SH3RF3: variants seen among roughly 807,000 people sequenced by gnomAD.
The protein encoded by SH3RF3 is SH3 domain containing ring finger 3.
A neutral mutation model predicts 66.3 loss-of-function variants in SH3RF3; 29 were observed. That is an observed-to-expected ratio of 0.44 (90% CI 0.33 to 0.60). SH3RF3 has a LOEUF of 0.60. Ranked by LOEUF, SH3RF3 falls within the 20% of genes least tolerant of loss-of-function variation. The pLI is 0.04. For missense variants in SH3RF3, 1,194 were observed against 1,190.9 expected, an observed-to-expected ratio of 1.00 and a Z score of -0.04; for synonymous variants, 583 against 532.0, an observed-to-expected ratio of 1.10 and a Z score of -1.32.
chr2:109,135,748 G>A (rs78767994), intron 1 of SH3RF3, among the ~76,000 whole-genome samples: 5,514 of 152,234 alleles, frequency 0.036, 291 homozygotes, highest in African/African-American at 0.12. Context: ...AAACTGGATC[G>A]TCAAGCATTA....
chr2:109,326,552 A>T (rs1323945195), intron 1 of SH3RF3, among the ~76,000 whole-genome samples: 1 of 152,114 alleles, frequency 6.6e-6, no homozygotes, highest in Non-Finnish European at 1.5e-5. Flanking sequence ...TGGGTGTGAA[A>T]TGGCATCTCA....
intron 1 of SH3RF3, among the ~76,000 whole-genome samples, chr2:109,277,348 G>A (rs768448261): frequency 6.6e-6 from 1 of 152,170 alleles, no homozygotes; most frequent in Non-Finnish European, 1.5e-5. Flanking sequence ...TATTTTCTCA[G>A]TGTCATTTCA....
intron 1 of SH3RF3, among the ~76,000 whole-genome samples, chr2:109,249,633 C>G (rs1574528889): frequency 1.4e-5 from 2 of 146,094 alleles, no homozygotes; most frequent in Middle Eastern, 3.5e-3. Flanking sequence ...TTCTCTCTCT[C>G]TTTCTCTGTT....
intron 6 of SH3RF3, among the ~76,000 whole-genome samples, chr2:109,434,028 T>C (rs550088073): frequency 1.8e-4 from 27 of 152,346 alleles, no homozygotes; most frequent in Admixed American, 6.5e-4. Context: ...GGATTTCCCA[T>C]GCCAGTAGGA....
rs147687424 is a variant in SH3RF3 at position 109,495,208 on chromosome 2, C to T, written c.2480+4272C>T. Among the ~76,000 whole-genome samples the T allele has an allele frequency of 5.3e-5, 8 of 152,302 alleles. No homozygotes were observed. In the East Asian group the frequency reaches 9.7e-4, roughly 18 times the overall value. Reference sequence around the variant, plus strand: ...GAAGTTGCTTGTGGAACTCAGAATACGGGTGTGGTCATGGGAAATGCAGGC... The same window carrying T: ...GAAGTTGCTTGTGGAACTCAGAATATGGGTGTGGTCATGGGAAATGCAGGC... On this transcript the variant is annotated intron_variant, in intron 9 of 9. Coordinates refer to ENST00000309415, the MANE Select transcript of SH3RF3 (RefSeq NM_001099289.3).
intron 1 of SH3RF3, among the ~76,000 whole-genome samples, chr2:109,262,829 CTTTT>C (rs1192314257): frequency 6.6e-6 from 1 of 151,936 alleles, no homozygotes; most frequent in African/African-American, 2.4e-5. Flanking sequence ...ACAAGACTTT[CTTTT>C]TTCTTTTTTA....
At chr2:109,282,461 T>C (rs2105345583) in intron 1 of SH3RF3, among the ~76,000 whole-genome samples, 1 of 152,264 alleles carries the variant, frequency 6.6e-6, no homozygotes, top group South Asian at 2.1e-4. Flanking sequence ...TGCCAGGTCA[T>C]GAGCACTGCA....
intron 1 of SH3RF3, among the ~76,000 whole-genome samples, chr2:109,340,069 T>A (rs1682525337): frequency 1.3e-5 from 2 of 152,144 alleles, no homozygotes; most frequent in South Asian, 2.1e-4. Flanking sequence ...CTGTGAGCAG[T>A]AATCGGGTTA....
chr2:109,211,135 T>C (rs1385246391), intron 1 of SH3RF3, among the ~76,000 whole-genome samples: 2 of 152,174 alleles, frequency 1.3e-5, no homozygotes, highest in African/African-American at 4.8e-5. Context: ...AAAACGTTAC[T>C]TGCAGAATTA....
intron 8 of SH3RF3, among the ~76,000 whole-genome samples, chr2:109,477,517 G>A (rs1678715026): frequency 6.6e-6 from 1 of 152,234 alleles, no homozygotes; most frequent in Non-Finnish European, 1.5e-5. Flanking sequence ...GTGAGACCAG[G>A]AGAGCCTCTC....
intron 1 of SH3RF3, among the ~76,000 whole-genome samples, chr2:109,279,342 A>G (rs1193946469): frequency 6.6e-6 from 1 of 152,226 alleles, no homozygotes; most frequent in Admixed American, 6.5e-5. Context: ...AGGTTCAAGC[A>G]CACTGACAAT....
rs116121143 is a variant in SH3RF3, at chr2:109,189,975, C to G, written c.573+59862C>G. ...TGTGTGGAATGTTCCCCTGGTGTTT[C>G]TCTAACAGATCTGCTCGTGGTTTAT... On this transcript the variant is annotated intron_variant, in intron 1 of 9. Coordinates refer to ENST00000309415, the MANE Select transcript of SH3RF3 (RefSeq NM_001099289.3). Among the ~76,000 whole-genome samples, 485 of 152,304 alleles carry G rather than the reference C, an allele frequency of 3.2e-3. 3 individuals carry two copies. The highest frequency in any genetic ancestry group is 0.011 in the African/African-American group (473 of 41,574).
chr2:109,257,067 G>C (rs561807425), intron 1 of SH3RF3, among the ~76,000 whole-genome samples: 27 of 152,250 alleles, frequency 1.8e-4, no homozygotes, highest in Middle Eastern at 3.4e-3. Context: ...GTCATGTAGG[G>C]GCACCGTGTA....
intron 1 of SH3RF3, among the ~76,000 whole-genome samples, chr2:109,256,499 A>G (rs1680226425): frequency 6.6e-6 from 1 of 152,172 alleles, no homozygotes; most frequent in Non-Finnish European, 1.5e-5. Context: ...GATCAGTCAC[A>G]AACACTTACC....
chr2:109,356,870 C>G (rs775262755), intron 2 of SH3RF3, among the ~76,000 whole-genome samples: 1 of 152,120 alleles, frequency 6.6e-6, no homozygotes, highest in Admixed American at 6.5e-5. Context: ...TCACGGCCCC[C>G]ACAGCGCTCT....
chr2:109,349,846 G>C (rs1205693336), intron 2 of SH3RF3, among the ~76,000 whole-genome samples: 3 of 152,250 alleles, frequency 2.0e-5, no homozygotes, highest in African/African-American at 7.2e-5. Flanking sequence ...CTCTGCCCAG[G>C]ATGTGCAACC....
intron 2 of SH3RF3, among the ~76,000 whole-genome samples, chr2:109,353,109 C>T (rs1682875366): frequency 6.6e-6 from 1 of 152,238 alleles, no homozygotes; most frequent in Non-Finnish European, 1.5e-5. Context: ...CTCAGTGGCT[C>T]TCCACCTGTC....
intron 6 of SH3RF3, among the ~76,000 whole-genome samples, chr2:109,435,665 C>G (rs1463735607): frequency 1.3e-5 from 2 of 152,242 alleles, no homozygotes; most frequent in African/African-American, 4.8e-5. Flanking sequence ...AAAGGGTTTT[C>G]TGCTGTCATG....
intron 1 of SH3RF3, among the ~76,000 whole-genome samples, chr2:109,171,230 G>A (rs1244400634): frequency 1.3e-5 from 2 of 152,156 alleles, no homozygotes; most frequent in African/African-American, 4.8e-5. Context: ...CCATATTATG[G>A]CTGTATTTGC....
Sources: allele counts gnomAD v4.1 joint callset (sites outside exome capture counted in the v4.1 genomes callset), GRCh38; gene constraint gnomAD v4.1.1; transcripts MANE v1.5; gene names NCBI Gene and HGNC (gene_info 2026-07-23, HGNC 2026-07-21).